The following ERC2 variants were observed in gnomAD, a reference collection of about 807,000 sequenced individuals.
ERC2 encodes the protein ERC protein 2.
Under a neutral mutation model 114.8 loss-of-function variants are expected in ERC2, and 42 were observed. That is an observed-to-expected ratio of 0.37 (90% CI 0.29 to 0.47). The LOEUF (loss-of-function observed/expected upper bound fraction) is 0.47. ERC2 is among the 20% of genes least tolerant of loss of function. The probability of loss-of-function intolerance (pLI) is 0.99; values close to 1 mark genes in which losing one functional copy is unlikely to be tolerated. For missense variants in ERC2, 939 were observed against 1,150.7 expected (o/e 0.82, Z 2.66); for synonymous variants, 454 against 425.5 (o/e 1.07, Z -0.82).
chr3:56,152,329 T>C (rs953079525), intron 4 of ERC2, among the ~76,000 whole-genome samples: 5 of 152,088 alleles, frequency 3.3e-5, no homozygotes, highest in African/African-American at 7.2e-5. Context: ...CATTAAGCTC[T>C]GGGTAATATT....
rs751475951 is a variant in ERC2, at chr3:56,010,558, C to T, written c.1811G>A (p.Arg604Gln). Reference protein sequence around the residue: ...ERIIERLKEQRERDDRERLEE... With the variant: ...ERIIERLKEQQERDDRERLEE... ...TAGTCTTTCCCGATCATCTCTTTCT[C>T]GCTGTTCTTTCAAGCGCTCAATTAT... The change falls in exon 9 of 18, where the codon CGA becomes CAA. Residue 604 changes from arginine (R) to glutamine (Q), a missense_variant. By Grantham distance (43) the Arg-to-Gln change is conservative (BLOSUM62 1). Transcript: ENST00000288221. 2.2e-5 allele frequency: 35 copies of T among 1,613,294 alleles called. No homozygotes were observed. Among genetic ancestry groups the T allele is most frequent in the Admixed American group, 6.7e-5 (4 of 59,970 alleles).
chr3:56,380,263 C>T (rs1225512248), intron 2 of ERC2, among the ~76,000 whole-genome samples: 1 of 152,034 alleles, frequency 6.6e-6, no homozygotes, highest in Non-Finnish European at 1.5e-5. Flanking sequence ...GGCAGCTGAC[C>T]TGAGGTCCTG....
intron 2 of ERC2, among the ~76,000 whole-genome samples, chr3:56,405,819 A>C (rs1235567579): frequency 6.6e-6 from 1 of 151,704 alleles, no homozygotes; most frequent in African/African-American, 2.4e-5. Context: ...TGTGATGAAC[A>C]TCCTTTTACT....
chr3:56,182,430 T>C (rs2083338653), intron 3 of ERC2, among the ~76,000 whole-genome samples: 1 of 152,198 alleles, frequency 6.6e-6, no homozygotes, highest in Non-Finnish European at 1.5e-5. Context: ...AGTCCTACAG[T>C]ACTTTCGACC....
intron 2 of ERC2, among the ~76,000 whole-genome samples, chr3:56,425,169 C>T (rs1298167810): frequency 6.6e-6 from 1 of 152,132 alleles, no homozygotes; most frequent in East Asian, 1.9e-4. Context: ...TCACCAATCA[C>T]AGAAACCTCT....
Position 55,838,092 on chromosome 3 carries a change from G to GA in ERC2, c.2564+50296dup, listed in dbSNP as rs77103589. Among the ~76,000 whole-genome samples, 804 of 148,380 alleles carry GA rather than the reference G, an allele frequency of 5.4e-3. 6 individuals carry two copies. Among genetic ancestry groups the GA allele is most frequent in the African/African-American group, 0.018 (741 of 40,544 alleles). On this transcript the variant is annotated intron_variant, in intron 14 of 17. Coordinates refer to ENST00000288221, the MANE Select transcript of ERC2 (RefSeq NM_015576.3). ...GGAAACATCAAGCAGAAACAGAATT[G>GA]AAAAAAAAACATTATTTTACTTTGG... is the stretch of plus-strand genomic sequence containing the variant.
In ERC2 at chr3:56,154,276, G is replaced by A. The variant is rs1433402398; in HGVS notation, c.1150-5144C>T. 4.6e-5 allele frequency among the ~76,000 whole-genome samples: 7 copies of A among 152,032 alleles called. No individual in the cohort carries two copies. In the South Asian group the frequency reaches 1.2e-3, roughly 27 times the overall value. On this transcript the variant is annotated intron_variant, in intron 4 of 17. Transcript: ENST00000288221. Reference sequence around the variant, plus strand: ...CGAATACCAAAAAAATCAAAAACTCGCCTTCTTGGGCCTTGTCAAACTATA... The same window carrying A: ...CGAATACCAAAAAAATCAAAAACTCACCTTCTTGGGCCTTGTCAAACTATA...
chr3:56,403,069 C>T (rs920203769), intron 2 of ERC2, among the ~76,000 whole-genome samples: 3 of 152,170 alleles, frequency 2.0e-5, no homozygotes, highest in Non-Finnish European at 4.4e-5. Flanking sequence ...TAGCTAAGAA[C>T]CACTGTGTTA....
At chr3:56,462,691 T>G (rs1282218976) in intron 1 of ERC2, among the ~76,000 whole-genome samples, 1 of 152,160 alleles carries the variant, frequency 6.6e-6, no homozygotes, top group African/African-American at 2.4e-5. Context: ...CCTTAACCCC[T>G]CTAAGTTTTA....
intron 6 of ERC2, 92 bp downstream of exon 6, chr3:56,139,417 G>A (rs1307187290): frequency 3.1e-6 from 4 of 1,297,206 alleles, no homozygotes; most frequent in Non-Finnish European, 2.1e-6. Flanking sequence ...CAAGGGTTAG[G>A]ATAAAGGGTC....
chr3:56,008,198 A>G (rs1459026904), intron 9 of ERC2, among the ~76,000 whole-genome samples: 2 of 152,166 alleles, frequency 1.3e-5, no homozygotes, highest in Non-Finnish European at 2.9e-5. Context: ...CTAAAGACAC[A>G]ATGGTCTCTC....
chr3:55,698,945 CT>C (rs993490185), intron 16 of ERC2, among the ~76,000 whole-genome samples: 89 of 152,298 alleles, frequency 5.8e-4, no homozygotes, highest in African/African-American at 2.0e-3. Context: ...GATTTCTCTC[CT>C]TGTTGTTTTA....
At chr3:55,537,275 A>G (rs2054058028) in intron 17 of ERC2, among the ~76,000 whole-genome samples, 1 of 152,240 alleles carries the variant, frequency 6.6e-6, no homozygotes, top group African/African-American at 2.4e-5. Flanking sequence ...CTGAAAGAAC[A>G]GTCTTAGAAA....
intron 3 of ERC2, among the ~76,000 whole-genome samples, chr3:56,181,659 A>G (rs2083292783): frequency 6.6e-6 from 1 of 152,210 alleles, no homozygotes; most frequent in Non-Finnish European, 1.5e-5. Flanking sequence ...CTTCTCCTTC[A>G]CTGTAGACTG....
In ERC2 at chr3:56,435,043, A is replaced by G. The variant is rs1383214590; in HGVS notation, c.-36T>C. The G allele has an allele frequency of 6.6e-7, 1 of 1,506,390 alleles. No individual in the cohort carries two copies. The highest frequency in any genetic ancestry group is 1.4e-5 in the African/African-American group (1 of 72,268). The allele number at this position is 1,506,390 out of a possible 1,614,324, so 93.3% of individuals were successfully genotyped here. On this transcript the variant is annotated 5_prime_UTR_variant, in exon 2 of 18. Transcript: ENST00000288221. ...TTATGAGGTGTTACTGAAGAGAAGA[A>G]ATGCTATATTAAGTTGGGGTTTGAG...
intron 4 of ERC2, among the ~76,000 whole-genome samples, chr3:56,152,649 G>C (rs1326551418): frequency 6.6e-6 from 1 of 152,068 alleles, no homozygotes; most frequent in East Asian, 1.9e-4. Context: ...TTTGGTTATG[G>C]ATTGTAAAGA....
At chr3:55,867,527 A>T (rs1480244025) in intron 14 of ERC2, among the ~76,000 whole-genome samples, 2 of 152,196 alleles carry the variant, frequency 1.3e-5, no homozygotes, top group Non-Finnish European at 2.9e-5. Flanking sequence ...AGAGAATAAT[A>T]AGCATTGCTT....
At chr3:56,170,284 G>T (rs190782260) in intron 4 of ERC2, among the ~76,000 whole-genome samples, 34 of 152,308 alleles carry the variant, frequency 2.2e-4, no homozygotes, top group Admixed American at 5.2e-4. Flanking sequence ...GTCTGCAAAA[G>T]AACTGCCCCC....
chr3:56,003,027 A>C (rs2149551710), intron 10 of ERC2: 42 of 1,132,058 alleles, frequency 3.7e-5, no homozygotes, highest in Non-Finnish European at 4.9e-5. Flanking sequence ...CCAGTATGGC[A>C]CACCGTGACT....
Sources: allele counts gnomAD v4.1 joint callset (sites outside exome capture counted in the v4.1 genomes callset), GRCh38; gene constraint gnomAD v4.1.1; transcripts MANE v1.5; gene names NCBI Gene and HGNC (gene_info 2026-07-23, HGNC 2026-07-21).